The following ARSB variants were observed in gnomAD, a reference collection of about 807,000 sequenced individuals.
The protein encoded by ARSB is arylsulfatase B.
Under a neutral mutation model 50.9 loss-of-function variants are expected in ARSB, and 41 were observed. That is an observed-to-expected ratio of 0.81 (90% CI 0.63 to 1.04). The LOEUF (loss-of-function observed/expected upper bound fraction) is 1.04. ARSB is among the 50% of genes least tolerant of loss of function. ARSB has a pLI of 0.00. For missense variants in ARSB, 672 were observed against 693.3 expected (o/e 0.97, Z 0.35); for synonymous variants, 269 against 284.8 (o/e 0.94, Z 0.56).
At chr5:78,962,693 A>AT (rs1349431770) in intron 3 of ARSB, among the ~76,000 whole-genome samples, 3 of 151,682 alleles carry the variant, frequency 2.0e-5, no homozygotes, top group East Asian at 1.9e-4. Context: ...CACCCGGCTA[A>AT]TTTTTTTTGT....
At chr5:78,792,967 T>A (rs1262246249) in intron 6 of ARSB, among the ~76,000 whole-genome samples, 2 of 152,170 alleles carry the variant, frequency 1.3e-5, no homozygotes, top group Non-Finnish European at 2.9e-5. Context: ...TATGCCACAC[T>A]ACAGGTCTGG....
chr5:78,933,547 G>A (rs1005634415), intron 4 of ARSB, among the ~76,000 whole-genome samples: 4 of 151,884 alleles, frequency 2.6e-5, no homozygotes, highest in African/African-American at 7.3e-5. Flanking sequence ...CTGTTTTTCA[G>A]AGAAGTCTGC....
chr5:78,970,623 A>G (rs1283032240), intron 1 of ARSB, among the ~76,000 whole-genome samples: 1 of 152,164 alleles, frequency 6.6e-6, no homozygotes, highest in Admixed American at 6.5e-5. Flanking sequence ...AGAGGGAGAC[A>G]GTGACAGAGG....
At chr5:78,803,197 T>C (rs1351656201) in intron 6 of ARSB, among the ~76,000 whole-genome samples, 3 of 152,236 alleles carry the variant, frequency 2.0e-5, no homozygotes, top group African/African-American at 7.2e-5. Flanking sequence ...CTCGTCTGCT[T>C]TCCTGGAGAG....
chr5:78,854,404 A>G (rs1312254591), intron 5 of ARSB, among the ~76,000 whole-genome samples: 1 of 152,184 alleles, frequency 6.6e-6, no homozygotes, highest in Non-Finnish European at 1.5e-5. Flanking sequence ...GCTGTATACC[A>G]TAGGTTTTTG....
chr5:78,817,148 G>A (rs1171905565), intron 6 of ARSB: 10 of 983,294 alleles, frequency 1.0e-5, no homozygotes, highest in African/African-American at 1.7e-5. Flanking sequence ...GAGAGATAAA[G>A]AATGATCATT....
rs186797898 is a variant in ARSB, at chr5:78,939,535, T to C, written c.898+15760A>G. Among the ~76,000 whole-genome samples, 21 of 152,254 alleles carry C rather than the reference T, an allele frequency of 1.4e-4. No individual in the cohort carries two copies. The Middle Eastern group carries it at 0.01, about 74-fold the overall frequency. ...CCTATGAGTGAGAACATGTGGTGTT[T>C]GGTTTTTTCTCTTTGCGATAGATTG... On this transcript the variant is annotated intron_variant, in intron 4 of 7. Transcript: ENST00000264914.
chr5:78,807,698 A>T (rs1474678452), intron 6 of ARSB, among the ~76,000 whole-genome samples: 1 of 152,200 alleles, frequency 6.6e-6, no homozygotes, highest in Admixed American at 6.5e-5. Context: ...TAACTAGGAG[A>T]TCCTCAGAGG....
At chr5:78,909,817 G>A (rs986019977) in intron 4 of ARSB, among the ~76,000 whole-genome samples, 2 of 152,302 alleles carry the variant, frequency 1.3e-5, no homozygotes, top group Admixed American at 1.3e-4. Flanking sequence ...ATTAGCAAAA[G>A]AGGAAGGCCT....
intron 1 of ARSB, among the ~76,000 whole-genome samples, chr5:78,983,765 CAAGT>C (rs1255423139): frequency 6.6e-6 from 1 of 152,170 alleles, no homozygotes; most frequent in African/African-American, 2.4e-5. Context: ...ATCTTTATCA[CAAGT>C]AAGCCCTCCC....
chr5:78,866,116 T>A (rs1358116459), intron 5 of ARSB, among the ~76,000 whole-genome samples: 1 of 152,204 alleles, frequency 6.6e-6, no homozygotes, highest in East Asian at 1.9e-4. Flanking sequence ...GCCAATTTAC[T>A]GTATTACTCT....
At chr5:78,812,319 C>G (rs946736252) in intron 6 of ARSB, among the ~76,000 whole-genome samples, 2 of 152,120 alleles carry the variant, frequency 1.3e-5, no homozygotes, top group Non-Finnish European at 2.9e-5. Context: ...GCACAGCCCC[C>G]TAGCCCAAAA....
Position 78,816,177 on chromosome 5 carries a change from A to C in ARSB, c.1213+23179T>G, listed in dbSNP as rs146826378. The C allele has an allele frequency of 1.9e-5, 30 of 1,613,826 alleles. No homozygotes were observed. In the African/African-American group the frequency reaches 3.6e-4, roughly 19 times the overall value. The stretch of plus-strand genomic sequence containing the variant: ...AGATTTCTCAGGGTACGGTTGTATC[A>C]GGACTGCATTTCTAGTCCAGGAGAT... On this transcript the variant is annotated intron_variant, in intron 6 of 7. Transcript: ENST00000264914.
At chr5:78,937,736 TG>T (rs1382666911) in intron 4 of ARSB, among the ~76,000 whole-genome samples, 1 of 151,294 alleles carries the variant, frequency 6.6e-6, no homozygotes, top group East Asian at 1.9e-4. Context: ...TGGTGCGGGG[TG>T]GGGGTGGTTT....
At chr5:78,946,556 G>A (rs529487573) in intron 4 of ARSB, among the ~76,000 whole-genome samples, 1 of 152,168 alleles carries the variant, frequency 6.6e-6, no homozygotes, top group South Asian at 2.1e-4. Flanking sequence ...GTAGTAAGTA[G>A]ATCACTACTT....
chr5:78,943,171 T>C (rs1183416787), intron 4 of ARSB, among the ~76,000 whole-genome samples: 1 of 152,232 alleles, frequency 6.6e-6, no homozygotes, highest in East Asian at 1.9e-4. Context: ...AGCCTATGTG[T>C]GTCTTTGCAC....
chr5:78,945,807 C>T (rs542889574), intron 4 of ARSB, among the ~76,000 whole-genome samples: 1 of 152,274 alleles, frequency 6.6e-6, no homozygotes, highest in East Asian at 1.9e-4. Flanking sequence ...TTCTCACAGG[C>T]TAGAATGCTG....
chr5:78,948,938 T>C (rs1751373631), intron 4 of ARSB, among the ~76,000 whole-genome samples: 1 of 152,200 alleles, frequency 6.6e-6, no homozygotes, highest in African/African-American at 2.4e-5. Context: ...CTAATTCAGC[T>C]GGGCTGTGAT....
intron 6 of ARSB, among the ~76,000 whole-genome samples, chr5:78,814,098 A>T (rs1451742113): frequency 1.3e-5 from 2 of 150,946 alleles, no homozygotes; most frequent in African/African-American, 4.9e-5. Context: ...TTCACATTTA[A>T]TTTCATGACC....
Sources: allele counts gnomAD v4.1 joint callset (sites outside exome capture counted in the v4.1 genomes callset), GRCh38; gene constraint gnomAD v4.1.1; transcripts MANE v1.5; gene names NCBI Gene and HGNC (gene_info 2026-07-23, HGNC 2026-07-21).